Variants in FSTL4 observed in about 807,000 individuals in gnomAD.
The protein encoded by FSTL4 is follistatin like 4.
Under a neutral mutation model 78.2 loss-of-function variants are expected in FSTL4, and 28 were observed. The observed-to-expected ratio is 0.36, with a 90% confidence interval of 0.27 to 0.49. The LOEUF is 0.49. FSTL4 is among the 20% of genes least tolerant of loss of function. The pLI, the probability that FSTL4 is intolerant of heterozygous loss-of-function variation, is 0.98. For synonymous variants in FSTL4, 422 were observed against 440.5 expected (o/e 0.96, Z 0.53); for missense variants, 922 against 1,084.9 (o/e 0.85, Z 2.11).
chr5:133,612,865 G>A (rs1761133864), upstream of FSTL4, among the ~76,000 whole-genome samples: 2 of 152,200 alleles, frequency 1.3e-5, no homozygotes, highest in Admixed American at 1.3e-4. The surrounding 1 kb of genome is among the most constrained non-coding windows in gnomAD (Gnocchi z 6.2). Flanking sequence ...GGCGCACAGG[G>A]GGTCTCTGAA....
intron 7 of FSTL4, among the ~76,000 whole-genome samples, chr5:133,243,152 T>C (rs1751927634): frequency 2.0e-5 from 3 of 152,194 alleles, no homozygotes. Context: ...CCACAAATAC[T>C]TTCTTCTAAT....
chr5:133,723,405 T>C, the FSTL4 span, among the ~76,000 whole-genome samples: 1 of 152,212 alleles, frequency 6.6e-6, no homozygotes, highest in African/African-American at 2.4e-5. Context: ...AGCTTGGCCT[T>C]TGGGGGATGA....
chr5:133,246,056 G>A (rs1484330681), intron 7 of FSTL4, among the ~76,000 whole-genome samples: 2 of 152,122 alleles, frequency 1.3e-5, no homozygotes, highest in Admixed American at 6.5e-5. Context: ...CAATCAAGAT[G>A]TCTCATACAA....
chr5:133,400,258 A>G (rs989018088), intron 4 of FSTL4, among the ~76,000 whole-genome samples: 1 of 152,126 alleles, frequency 6.6e-6, no homozygotes, highest in African/African-American at 2.4e-5. Flanking sequence ...AAGACATGGG[A>G]TGCCTTCCCA....
the FSTL4 span, among the ~76,000 whole-genome samples, chr5:133,768,384 A>G: frequency 6.6e-6 from 1 of 152,242 alleles, no homozygotes; most frequent in Non-Finnish European, 1.5e-5. Flanking sequence ...TGTGGAGGAA[A>G]GGATCTATCA....
chr5:133,352,067 TG>T (rs908046156), intron 4 of FSTL4, among the ~76,000 whole-genome samples: 2 of 151,788 alleles, frequency 1.3e-5, no homozygotes, highest in Non-Finnish European at 2.9e-5. Context: ...TTTTTAGAAT[TG>T]GGGGGTACAT....
At chr5:133,446,097 C>T (rs773633575) in intron 3 of FSTL4, among the ~76,000 whole-genome samples, 4 of 152,134 alleles carry the variant, frequency 2.6e-5, no homozygotes, top group African/African-American at 7.2e-5. Flanking sequence ...ACTTCTCCAC[C>T]CCACCCCTAT....
intron 3 of FSTL4, among the ~76,000 whole-genome samples, chr5:133,475,635 G>A (rs1371509532): frequency 1.3e-5 from 2 of 152,210 alleles, no homozygotes; most frequent in Non-Finnish European, 2.9e-5. Flanking sequence ...TGGCTTTGTA[G>A]ACATGGCAGA....
At chr5:133,295,100 T>A (rs1458001332) in intron 6 of FSTL4, among the ~76,000 whole-genome samples, 1 of 152,092 alleles carries the variant, frequency 6.6e-6, no homozygotes, top group African/African-American at 2.4e-5. Flanking sequence ...TCTTTCACTC[T>A]CCTACACAAT....
chr5:133,375,217 C>T (rs1012372540), intron 4 of FSTL4, among the ~76,000 whole-genome samples: 11 of 141,442 alleles, frequency 7.8e-5, no homozygotes, highest in African/African-American at 2.3e-4. Context: ...AATGGTTTGA[C>T]TTACTGTTGT....
chr5:133,581,777 A>G (rs1004432200), intron 2 of FSTL4, among the ~76,000 whole-genome samples: 3 of 152,260 alleles, frequency 2.0e-5, no homozygotes, highest in Non-Finnish European at 4.4e-5. Flanking sequence ...CACAGGCATC[A>G]GCATTTTTTG....
chr5:133,789,969 T>A, the FSTL4 span, among the ~76,000 whole-genome samples: 1 of 152,148 alleles, frequency 6.6e-6, no homozygotes, highest in Non-Finnish European at 1.5e-5. Flanking sequence ...ATTTACCCCA[T>A]AACGCTGGGT....
chr5:133,459,126 C>A (rs147453272), intron 3 of FSTL4, among the ~76,000 whole-genome samples: 59 of 152,312 alleles, frequency 3.9e-4, no homozygotes, highest in African/African-American at 1.3e-3. Flanking sequence ...AAGCTTTCAG[C>A]CAGCAGTCTT....
the FSTL4 span, among the ~76,000 whole-genome samples, chr5:133,719,230 T>G: frequency 3.9e-5 from 6 of 152,318 alleles, no homozygotes; most frequent in Middle Eastern, 6.8e-3. Flanking sequence ...ACATTTGAAG[T>G]AAAAAGTTTC....
chr5:133,751,067 C>T, the FSTL4 span, among the ~76,000 whole-genome samples: 42,026 of 151,832 alleles, frequency 0.28, 6,503 homozygotes, highest in Non-Finnish European at 0.34. Flanking sequence ...ACCCTACGTG[C>T]ACCCCACCCA....
the FSTL4 span, among the ~76,000 whole-genome samples, chr5:133,636,635 A>C: frequency 6.6e-6 from 1 of 152,210 alleles, no homozygotes; most frequent in African/African-American, 2.4e-5. Context: ...TATGAGGATT[A>C]AATGAGTTAA....
chr5:133,591,447 T>C (rs1760624182), intron 2 of FSTL4, among the ~76,000 whole-genome samples: 1 of 152,160 alleles, frequency 6.6e-6, no homozygotes. Flanking sequence ...GCTGAGAGGT[T>C]TGAGGCTGGC....
intron 2 of FSTL4, among the ~76,000 whole-genome samples, chr5:133,571,541 T>C (rs1366913890): frequency 6.6e-6 from 1 of 152,160 alleles, no homozygotes; most frequent in Non-Finnish European, 1.5e-5. Flanking sequence ...GGAGAAAAGA[T>C]GCTGAATTTC....
chr5:133,239,706 A>G (rs2126810398), intron 7 of FSTL4, among the ~76,000 whole-genome samples: 1 of 152,292 alleles, frequency 6.6e-6, no homozygotes, highest in African/African-American at 2.4e-5. Flanking sequence ...TGTCTAGCTC[A>G]GGGTTTGTGA....
Sources: gnomAD v4.1 joint callset for allele counts (sites outside exome capture counted in the v4.1 genomes callset) on GRCh38, gnomAD v4.1.1 for gene constraint, Gnocchi (gnomAD v3.1) non-coding constraint, MANE v1.5 for transcripts, NCBI Gene and HGNC (gene_info 2026-07-23, HGNC 2026-07-21) for gene names.